RBM19: variants seen among roughly 807,000 people sequenced by gnomAD.
RBM19 encodes probable RNA-binding protein 19.
In RBM19, 94 loss-of-function variants were observed where a neutral mutation model predicts 116.8. The ratio of observed to expected loss-of-function variants is 0.80; its 90% confidence interval spans 0.68 to 0.95. The LOEUF (loss-of-function observed/expected upper bound fraction) is 0.95, where lower values mean the gene tolerates loss of function less well. Among genes scored for constraint, RBM19 ranks in the 40% least tolerant of loss-of-function variants. The pLI, the probability that RBM19 is intolerant of heterozygous loss-of-function variation, is 0.00. For synonymous variants in RBM19, 475 were observed against 494.1 expected (o/e 0.96, Z 0.51); for missense variants, 1,161 against 1,220.7 (o/e 0.95, Z 0.73).
chr12:113,823,291 A>G lies in RBM19; in HGVS notation c.2816T>C (p.Leu939Ser). 1 of 1,613,298 alleles carries G rather than the reference A, an allele frequency of 6.2e-7. No individual in the cohort carries two copies. The highest frequency in any genetic ancestry group is 8.5e-7 in the Non-Finnish European group (1 of 1,180,032). The change falls in exon 24 of 24, where the codon TTG becomes TCG. Residue 939 changes from leucine to serine, a missense_variant. Leu to Ser is a moderately radical substitution (Grantham distance 145). Transcript: ENST00000261741. ...TTCCAGCTGCTCCAGGATCTCGTCC[A>G]ACACCACAGACCGCTTTTTCTTCGG... ...EPPKKKRSVV[L>S]DEILEQLEGS... is the part of the protein sequence containing the mutation.
intron 23 of RBM19, among the ~76,000 whole-genome samples, chr12:113,842,876 TC>T (rs2135714804): frequency 6.6e-6 from 1 of 151,914 alleles, no homozygotes; most frequent in African/African-American, 2.4e-5. Context: ...AGGCACAGAA[TC>T]CTGTCTGGAG....
chr12:113,963,382 G>A (rs1566047743), intron 1 of RBM19, among the ~76,000 whole-genome samples: 1 of 152,176 alleles, frequency 6.6e-6, no homozygotes, highest in Non-Finnish European at 1.5e-5. Context: ...ATATTTGTGT[G>A]TGTGGTAGTG....
chr12:113,902,673 T>C (rs1259397656), intron 21 of RBM19, among the ~76,000 whole-genome samples: 1 of 152,152 alleles, frequency 6.6e-6, no homozygotes, highest in African/African-American at 2.4e-5. Flanking sequence ...ATTATTTTTT[T>C]CTATTTAGTA....
chr12:113,896,216 A>G (rs1881313061), intron 21 of RBM19, among the ~76,000 whole-genome samples: 1 of 152,214 alleles, frequency 6.6e-6, no homozygotes, highest in Non-Finnish European at 1.5e-5. Flanking sequence ...AACAAAACAA[A>G]GCAAACCAAA....
At chr12:113,925,876 A>AATCTATC (rs1869025256) in intron 17 of RBM19, among the ~76,000 whole-genome samples, 1 of 152,176 alleles carries the variant, frequency 6.6e-6, no homozygotes, top group African/African-American at 2.4e-5. Context: ...CTAACATTCA[A>AATCTATC]ATCTATCTGA....
At chr12:113,961,153 C>T (rs556103178) in intron 2 of RBM19, among the ~76,000 whole-genome samples, 198 of 152,240 alleles carry the variant, frequency 1.3e-3, no homozygotes, top group Admixed American at 3.2e-3. Flanking sequence ...CTTCTGAATA[C>T]CTAGGACTCC....
At chr12:113,863,054 G>A (rs985429742) in intron 21 of RBM19, among the ~76,000 whole-genome samples, 1 of 151,846 alleles carries the variant, frequency 6.6e-6, no homozygotes, top group East Asian at 1.9e-4. Flanking sequence ...CTTTTGAGGT[G>A]TGTGGTGGGG....
At chr12:113,833,828 C>T (rs190221239) in intron 23 of RBM19, among the ~76,000 whole-genome samples, 17 of 152,304 alleles carry the variant, frequency 1.1e-4, no homozygotes, top group African/African-American at 2.2e-4. Context: ...GCTGCAGCCT[C>T]GAACTCCTGG....
intron 13 of RBM19, among the ~76,000 whole-genome samples, chr12:113,945,428 C>T (rs1386052101): frequency 6.6e-6 from 1 of 152,192 alleles, no homozygotes; most frequent in East Asian, 1.9e-4. Flanking sequence ...CCCACCTCCA[C>T]CTCTTTGCAA....
intron 21 of RBM19, among the ~76,000 whole-genome samples, chr12:113,870,685 AC>A (rs1340375295): frequency 1.3e-5 from 2 of 152,158 alleles, no homozygotes; most frequent in African/African-American, 4.8e-5. Flanking sequence ...AGGGAGGGGC[AC>A]AGGTGGGTAG....
intron 17 of RBM19, among the ~76,000 whole-genome samples, chr12:113,926,473 C>G (rs2135877260): frequency 6.6e-6 from 1 of 152,314 alleles, no homozygotes; most frequent in Admixed American, 6.5e-5. Flanking sequence ...TTGCAGACCC[C>G]ACTCCTTTGG....
chr12:113,912,671 C>T (rs775522199), intron 21 of RBM19, among the ~76,000 whole-genome samples: 3 of 152,184 alleles, frequency 2.0e-5, no homozygotes, highest in East Asian at 1.9e-4. Flanking sequence ...CTCAGAGCCC[C>T]GCACACAGCA....
rs571870046 is a variant in RBM19, at chr12:113,891,939, C to T, written c.2558+23030G>A. Among the ~76,000 whole-genome samples, 24 of 152,282 alleles carry T rather than the reference C, an allele frequency of 1.6e-4. No homozygotes were observed. In the South Asian group the frequency reaches 1.7e-3, roughly 11 times the overall value. ...AAGCCTTTGTTCCTCCGTCGTGTGT[C>T]GGGTAAACACTGAGATCATTCTGCT... On this transcript the variant is annotated intron_variant, in intron 21 of 23. Coordinates refer to ENST00000261741, the MANE Select transcript of RBM19 (RefSeq NM_016196.4).
intron 14 of RBM19, among the ~76,000 whole-genome samples, chr12:113,940,823 G>C (rs1213826244): frequency 1.3e-5 from 2 of 152,168 alleles, no homozygotes; most frequent in Admixed American, 6.5e-5. Flanking sequence ...AAAACTAAAA[G>C]ACTAAGCTAT....
intron 21 of RBM19, among the ~76,000 whole-genome samples, chr12:113,869,397 G>A (rs1306363131): frequency 2.0e-5 from 3 of 152,220 alleles, no homozygotes; most frequent in African/African-American, 7.2e-5. Flanking sequence ...GGATAGCTGT[G>A]CATGCTCCTC....
At chr12:113,964,514 T>C (rs1198336730) in intron 1 of RBM19, among the ~76,000 whole-genome samples, 1 of 152,182 alleles carries the variant, frequency 6.6e-6, no homozygotes, top group Non-Finnish European at 1.5e-5. Context: ...GAAAAGGAAG[T>C]GCAGCCACGC....
intron 22 of RBM19, among the ~76,000 whole-genome samples, chr12:113,854,399 C>G (rs1877711950): frequency 6.6e-6 from 1 of 152,106 alleles, no homozygotes; most frequent in Non-Finnish European, 1.5e-5. Flanking sequence ...CCAGGCCACC[C>G]AGGAGACCGC....
rs768719033 is a variant in RBM19, at chr12:113,960,079, T to C, written c.319A>G (p.Thr107Ala). Residue 107 changes from threonine to alanine, a missense_variant, in exon 3 of 24, where the codon ACT (threonine) becomes GCT (alanine). Transcript: ENST00000261741. ...CATACTTTCTTAATTTCTGGAGTAG[T>C]AGAGTCTTTTGGAGGCTGCTTGGGC... Reference protein sequence around the residue: ...SQPKQPPKDSTTPEIKKDEKK... With the variant: ...SQPKQPPKDSATPEIKKDEKK... The C allele has an allele frequency of 3.1e-6, 5 of 1,614,212 alleles. No homozygotes were observed. The highest frequency in any genetic ancestry group is 1.1e-5 in the South Asian group (1 of 91,080).
chr12:113,948,266 A>T (rs1420123854), intron 10 of RBM19, among the ~76,000 whole-genome samples: 1 of 152,176 alleles, frequency 6.6e-6, no homozygotes, highest in Non-Finnish European at 1.5e-5. Context: ...GCCCTTCAAC[A>T]ATGGTAACTC....
Sources: gnomAD v4.1 joint callset for allele counts (sites outside exome capture counted in the v4.1 genomes callset) on GRCh38, gnomAD v4.1.1 for gene constraint, MANE v1.5 for transcripts, NCBI Gene and HGNC (gene_info 2026-07-23, HGNC 2026-07-21) for gene names.